The following LIMS1 variants were observed in gnomAD, a reference collection of about 807,000 sequenced individuals.
The protein encoded by LIMS1 is LIM and senescent cell antigen-like-containing domain protein 1.
LIMS1 carries 18 observed loss-of-function variants against 44.1 expected under a neutral mutation model. That is an observed-to-expected ratio of 0.41 (90% CI 0.28 to 0.61). LIMS1 has a LOEUF of 0.61. Among genes scored for constraint, LIMS1 ranks in the 20% least tolerant of loss-of-function variants. The pLI, the probability that LIMS1 is intolerant of heterozygous loss-of-function variation, is 0.32. For synonymous variants in LIMS1, 93 were observed against 149.1 expected, an observed-to-expected ratio of 0.62 and a Z score of 2.74; for missense variants, 201 against 422.0, an observed-to-expected ratio of 0.48 and a Z score of 4.59.
intron 1 of LIMS1, among the ~76,000 whole-genome samples, chr2:108,556,771 T>C (rs886609256): frequency 6.6e-6 from 1 of 152,164 alleles, no homozygotes; most frequent in Non-Finnish European, 1.5e-5. Flanking sequence ...CCAGAAGGAA[T>C]GCTGAGGGCA....
chr2:108,666,936 A>G (rs1415585412), intron 2 of LIMS1, among the ~76,000 whole-genome samples: 1 of 152,056 alleles, frequency 6.6e-6, no homozygotes, highest in Non-Finnish European at 1.5e-5. Context: ...GGGAAACTAC[A>G]CTGTGTTCAG....
chr2:108,584,752 G>A (rs1470879639), intron 1 of LIMS1, among the ~76,000 whole-genome samples: 3 of 152,104 alleles, frequency 2.0e-5, no homozygotes, highest in African/African-American at 4.8e-5. Flanking sequence ...GTCAGCGTGA[G>A]CAGCAGCATG....
At chr2:108,547,249 C>A (rs531834921) in intron 1 of LIMS1, among the ~76,000 whole-genome samples, 1 of 152,320 alleles carries the variant, frequency 6.6e-6, no homozygotes, top group South Asian at 2.1e-4. Flanking sequence ...TCAGGCAGGA[C>A]ATCCTTAGGG....
chr2:108,611,836 A>AATATAGATATATAT (rs1553459741), intron 1 of LIMS1, among the ~76,000 whole-genome samples: 3 of 130,988 alleles, frequency 2.3e-5, no homozygotes, highest in African/African-American at 5.5e-5. Context: ...CATGATCTAA[A>AATATAGATATATAT]ATATATATAT....
At chr2:108,636,673 A>G (rs556329305) in intron 1 of LIMS1, among the ~76,000 whole-genome samples, 49 of 152,342 alleles carry the variant, frequency 3.2e-4, no homozygotes, top group Admixed American at 4.6e-4. Flanking sequence ...CCATATTTTT[A>G]TATATTATTG....
At chr2:108,681,949 C>T (rs538258746) in intron 9 of LIMS1, among the ~76,000 whole-genome samples, 2 of 152,068 alleles carry the variant, frequency 1.3e-5, no homozygotes, top group African/African-American at 2.4e-5. Context: ...ATCTGATTTA[C>T]GTAAGACATC....
chr2:108,621,675 G>T (rs184056243), intron 1 of LIMS1, among the ~76,000 whole-genome samples: 1 of 152,300 alleles, frequency 6.6e-6, no homozygotes, highest in African/African-American at 2.4e-5. Context: ...AATCCTTTAA[G>T]TTGTTTTACC....
intron 1 of LIMS1, among the ~76,000 whole-genome samples, chr2:108,584,255 A>G (rs1686007379): frequency 6.6e-6 from 1 of 152,184 alleles, no homozygotes. Flanking sequence ...GCTTAGGGTA[A>G]CAGAGGAAAA....
In LIMS1 at chr2:108,560,165, C is replaced by T. The variant is rs1270692510; in HGVS notation, c.32+25571C>T. On this transcript the variant is annotated intron_variant, in intron 1 of 9. Transcript: ENST00000544547. ...GTGGATGATGAGGTTGCTGTCACCT[C>T]TCAACTGGACTGTTTTATTAGCTTC... Among the ~76,000 whole-genome samples, 3 of 152,188 alleles carry T rather than the reference C, an allele frequency of 2.0e-5. No homozygotes were observed. The East Asian group carries it at 5.8e-4, about 29-fold the overall frequency.
rs965059128 is a variant in LIMS1 at position 108,563,634 on chromosome 2, G to C, written c.32+29040G>C. Among the ~76,000 whole-genome samples, 6 of 152,202 alleles carry C rather than the reference G, an allele frequency of 3.9e-5. No homozygotes were observed. In the South Asian group the frequency reaches 6.2e-4, roughly 16 times the overall value. ...TGCTTCTTATGGATGAACAAAGAAA[G>C]TGATTTCTTGAAATGTAGTCTACTC... On this transcript the variant is annotated intron_variant, in intron 1 of 9. Transcript: ENST00000544547.
At chr2:108,593,032 T>C (rs1411532340) in intron 1 of LIMS1, among the ~76,000 whole-genome samples, 1 of 152,232 alleles carries the variant, frequency 6.6e-6, no homozygotes, top group Non-Finnish European at 1.5e-5. Context: ...TTCAATTCTT[T>C]TGGATATATA....
chr2:108,563,305 G>A (rs542041491), intron 1 of LIMS1, among the ~76,000 whole-genome samples: 1 of 152,342 alleles, frequency 6.6e-6, no homozygotes, highest in African/African-American at 2.4e-5. Context: ...AGCTGCTGCA[G>A]ATGGTGATTC....
chr2:108,632,130 CT>C (rs1688967899), intron 1 of LIMS1, among the ~76,000 whole-genome samples: 2 of 152,120 alleles, frequency 1.3e-5, no homozygotes, highest in African/African-American at 4.8e-5. Context: ...TGCCACCATG[CT>C]TGGCTAATGT....
rs189191300 is a variant in LIMS1, at chr2:108,591,748, C to T, written c.32+57154C>T. Among the ~76,000 whole-genome samples the T allele has an allele frequency of 2.5e-3, 374 of 152,082 alleles. 1 individual carries two copies. Among genetic ancestry groups the T allele is most frequent in the Middle Eastern group, 0.014 (4 of 294 alleles). On this transcript the variant is annotated intron_variant, in intron 1 of 9. Coordinates refer to ENST00000544547, the Ensembl canonical transcript of LIMS1. ...ATGCTGAGATTACAGACTTGAGCCA[C>T]CATGCTTGGCCTTTTAAGGGAACTT...
chr2:108,572,808 C>G (rs1685527625), intron 1 of LIMS1, among the ~76,000 whole-genome samples: 2 of 152,210 alleles, frequency 1.3e-5, no homozygotes, highest in African/African-American at 4.8e-5. Flanking sequence ...TTGAGAAACA[C>G]TGTCTTAGAG....
intron 1 of LIMS1, among the ~76,000 whole-genome samples, chr2:108,657,728 C>T (rs1690999178): frequency 6.6e-6 from 1 of 152,302 alleles, no homozygotes; most frequent in African/African-American, 2.4e-5. Flanking sequence ...TTCCCTTTCT[C>T]CCTTCCTTCC....
At position 108,552,114 on chromosome 2, in the gene LIMS1, ATATT is replaced by A. The variant is rs1334928215; in HGVS notation, c.32+17521_32+17524del. On this transcript the variant is annotated intron_variant, in intron 1 of 9. Coordinates refer to ENST00000544547, the Ensembl canonical transcript of LIMS1. Reference sequence around the variant, plus strand: ...TATGTATATTGAGAGAGTTAACTATATATTATATATACTATATATACTTAACTAT... The same window carrying A: ...TATGTATATTGAGAGAGTTAACTATAATATATACTATATATACTTAACTAT... Among the ~76,000 whole-genome samples the A allele has an allele frequency of 2.1e-5, 3 of 146,014 alleles. No individual in the cohort carries two copies. In the East Asian group the frequency reaches 5.9e-4, roughly 29 times the overall value.
chr2:108,674,144 G>A (rs562760523), intron 5 of LIMS1, among the ~76,000 whole-genome samples: 3 of 151,526 alleles, frequency 2.0e-5, no homozygotes, highest in South Asian at 2.1e-4. Context: ...TGGCTAACAC[G>A]GTGAAACCCC....
intron 1 of LIMS1, among the ~76,000 whole-genome samples, chr2:108,569,764 C>CTTTTTTTTTTTTTTT (rs10596766): frequency 6.2e-5 from 7 of 113,124 alleles, no homozygotes; most frequent in African/African-American, 1.4e-4. Context: ...CCATATCTGG[C>CTTTTTTTTTTTTTTT]TTTTTTTTTT....
Sources: gnomAD v4.1 joint callset for allele counts (sites outside exome capture counted in the v4.1 genomes callset) on GRCh38, gnomAD v4.1.1 for gene constraint, MANE v1.5 for transcripts, NCBI Gene and HGNC (gene_info 2026-07-23, HGNC 2026-07-21) for gene names.